The following DNAH9 variants were observed in gnomAD, a reference collection of about 807,000 sequenced individuals.
DNAH9 encodes dynein axonemal heavy chain 9.
DNAH9 carries 345 observed loss-of-function variants against 471.6 expected under a neutral mutation model. That is an observed-to-expected ratio of 0.73 (90% confidence interval 0.67 to 0.80). The LOEUF (loss-of-function observed/expected upper bound fraction) is 0.80, where lower values mean the gene tolerates loss of function less well. Among genes scored for constraint, DNAH9 ranks in the 30% least tolerant of loss-of-function variants. The pLI is 0.00. For synonymous variants in DNAH9, 2,093 were observed against 2,123.6 expected, an observed-to-expected ratio of 0.99 and a Z score of 0.40; for missense variants, 5,407 against 5,609.2, an observed-to-expected ratio of 0.96 and a Z score of 1.15.
chr17:11,710,992 T>C (rs1160819312), intron 26 of DNAH9, among the ~76,000 whole-genome samples: 2 of 152,220 alleles, frequency 1.3e-5, no homozygotes, highest in African/African-American at 4.8e-5. Context: ...ATCATGACTT[T>C]GCTTCTTCTG....
At chr17:11,839,441 C>T (rs921128011) in intron 49 of DNAH9, among the ~76,000 whole-genome samples, 10 of 151,508 alleles carry the variant, frequency 6.6e-5, no homozygotes, top group East Asian at 1.9e-4. Context: ...GCATGAACCC[C>T]GGAGGCGGAG....
At chr17:11,605,429 G>A (rs1038280217) in intron 1 of DNAH9, among the ~76,000 whole-genome samples, 2 of 152,152 alleles carry the variant, frequency 1.3e-5, no homozygotes, top group African/African-American at 2.4e-5. Flanking sequence ...GCACATAATA[G>A]ATGCTCAGTA....
intron 14 of DNAH9, among the ~76,000 whole-genome samples, chr17:11,661,939 A>G (rs2073773200): frequency 6.6e-6 from 1 of 152,146 alleles, no homozygotes; most frequent in Non-Finnish European, 1.5e-5. Context: ...ATAAATTACC[A>G]TCTGGGATTA....
intron 61 of DNAH9, among the ~76,000 whole-genome samples, chr17:11,912,984 A>G (rs1285676098): frequency 6.6e-6 from 1 of 152,104 alleles, no homozygotes; most frequent in Non-Finnish European, 1.5e-5. Context: ...CCTTGTCAAC[A>G]TGGTGAAACC....
At chr17:11,960,117 T>C (rs867410735) in intron 67 of DNAH9, among the ~76,000 whole-genome samples, 14 of 152,260 alleles carry the variant, frequency 9.2e-5, no homozygotes, top group Admixed American at 3.3e-4. Flanking sequence ...CATCTTAAGG[T>C]AGGTATGCTT....
chr17:11,913,765 G>C (rs996071171), intron 61 of DNAH9, among the ~76,000 whole-genome samples: 5 of 150,498 alleles, frequency 3.3e-5, no homozygotes, highest in Non-Finnish European at 5.9e-5. Flanking sequence ...CTGGGCGACA[G>C]AGTGAGACCC....
Position 11,651,267 on chromosome 17 carries a change from C to A in DNAH9, c.2296C>A (p.Gln766Lys). Reference sequence around the variant, plus strand: ...ATTTCCATTAGTGGAGGAAGAGCTGCAAAATATTGATCTCCGCCTCAGAGC... The same window carrying A: ...ATTTCCATTAGTGGAGGAAGAGCTGAAAAATATTGATCTCCGCCTCAGAGC... ...VEFPLVEEEL[Q>K]NIDLRLRAAE... The change falls in exon 13 of 69, where the codon CAA (glutamine) becomes AAA (lysine). Residue 766 changes from glutamine to lysine, a missense_variant. By Grantham distance (53) the Gln-to-Lys change is moderately conservative. Coordinates refer to ENST00000262442, the MANE Select transcript of DNAH9 (RefSeq NM_001372.4). 6.2e-7 allele frequency: 1 copy of A among 1,613,860 alleles called. No individual in the cohort carries two copies. Among genetic ancestry groups the A allele is most frequent in the Non-Finnish European group, 8.5e-7 (1 of 1,179,914 alleles).
At chr17:11,612,257 C>A in intron 4 of DNAH9, 1 of 239,432 alleles carries the variant, frequency 4.2e-6, no homozygotes, top group East Asian at 9.5e-5. Flanking sequence ...GACTACCCTT[C>A]TGGCAAGACA....
chr17:11,740,300 G>A (rs573692603), intron 29 of DNAH9, among the ~76,000 whole-genome samples: 64 of 152,050 alleles, frequency 4.2e-4, no homozygotes, highest in Middle Eastern at 6.8e-3. Flanking sequence ...GCCAGTTCAG[G>A]GTGCCATAAT....
intron 35 of DNAH9, among the ~76,000 whole-genome samples, chr17:11,762,758 GTTTTTTTTTTTGTTTTTTTTTTTT>G (rs923647430): frequency 3.2e-5 from 3 of 94,790 alleles, no homozygotes; most frequent in Non-Finnish European, 4.3e-5. Context: ...CTTTAGGTGC[GTTTTTTTTTTTGTTTTTTTTTTTT>G]TTTTTTTTTT....
intron 6 of DNAH9, among the ~76,000 whole-genome samples, chr17:11,621,908 C>T (rs981596134): frequency 5.6e-5 from 7 of 124,204 alleles, no homozygotes; most frequent in Admixed American, 9.2e-5. Context: ...GGTGAAACCC[C>T]GTCTCTACTA....
At chr17:11,660,921 G>A (rs1265285504) in intron 14 of DNAH9, among the ~76,000 whole-genome samples, 1 of 152,060 alleles carries the variant, frequency 6.6e-6, no homozygotes, top group Admixed American at 6.5e-5. Context: ...TAGCATTGTT[G>A]TGATCTTTTA....
chr17:11,877,788 A>G (rs1305005672), intron 53 of DNAH9, among the ~76,000 whole-genome samples: 1 of 152,182 alleles, frequency 6.6e-6, no homozygotes, highest in Non-Finnish European at 1.5e-5. Flanking sequence ...ATAGATAGAT[A>G]TAGTGGCGCT....
intron 15 of DNAH9, among the ~76,000 whole-genome samples, chr17:11,666,938 C>T (rs554162599): frequency 6.6e-6 from 1 of 152,168 alleles, no homozygotes; most frequent in Admixed American, 6.5e-5. Flanking sequence ...CCTGTCATCT[C>T]TCAACCCAAA....
At position 11,640,237 on chromosome 17, in the gene DNAH9, A is replaced by G. The variant is rs757997972; in HGVS notation, c.1787-33A>G. ...AGCGGAGAGGACTGAGGTGCTCTAG[A>G]CTCATTTCGGTCTGTCTGTGCCATG... On this transcript the variant is annotated intron_variant, in intron 9 of 68. Coordinates refer to ENST00000262442, the MANE Select transcript of DNAH9 (RefSeq NM_001372.4). The G allele has an allele frequency of 2.8e-5, 38 of 1,364,342 alleles. No individual in the cohort carries two copies. In the South Asian group the frequency reaches 4.1e-4, roughly 15 times the overall value. 84.5% of individuals were successfully genotyped at this position (1,364,342 alleles called of 1,614,324 possible). A position where few individuals can be genotyped will look rare whatever the true frequency, so the allele number is the denominator to read the frequency against.
intron 12 of DNAH9, among the ~76,000 whole-genome samples, chr17:11,647,481 G>A (rs531825336): frequency 5.9e-5 from 9 of 152,118 alleles, no homozygotes; most frequent in Non-Finnish European, 1.3e-4. Flanking sequence ...TGAATTCTGG[G>A]GTGTAGTGTT....
chr17:11,809,741 C>T (rs1354618187), intron 44 of DNAH9, among the ~76,000 whole-genome samples: 1 of 152,004 alleles, frequency 6.6e-6, no homozygotes, highest in Admixed American at 6.6e-5. Flanking sequence ...AGACGTAAGA[C>T]ATACTTACTT....
In DNAH9 at chr17:11,636,771, G is replaced by A; in HGVS notation, c.1773G>A (p.Glu591=). The A allele has an allele frequency of 1.2e-6, 2 of 1,614,060 alleles. No homozygotes were observed. Among genetic ancestry groups the A allele is most frequent in the South Asian group, 2.2e-5 (2 of 91,058 alleles). The change falls in exon 9 of 69, where the codon GAG becomes GAA. Residue 591 remains glutamate, a synonymous_variant. Transcript: ENST00000262442. The part of the protein sequence containing the change: ...VRMIYSQHVQ[E]EAELGFSPVH... ...TGATCTACAGTCAGCACGTCCAGGA[G>A]GAAGCAGAACTTGGTAGGCTTGTTA...
At chr17:11,714,180 C>T (rs1013693465) in intron 26 of DNAH9, among the ~76,000 whole-genome samples, 1 of 152,164 alleles carries the variant, frequency 6.6e-6, no homozygotes, top group Non-Finnish European at 1.5e-5. Flanking sequence ...CGATTTCTCA[C>T]GTTGAGCTTG....
Sources: allele counts gnomAD v4.1 joint callset (sites outside exome capture counted in the v4.1 genomes callset), GRCh38; gene constraint gnomAD v4.1.1; transcripts MANE v1.5; gene names NCBI Gene and HGNC (gene_info 2026-07-23, HGNC 2026-07-21).